The following ARID2 variants were observed in gnomAD, a reference collection of about 807,000 sequenced individuals.
The protein encoded by ARID2 is AT-rich interaction domain 2, also known as AT-rich interactive domain-containing protein 2.
ARID2 carries 32 observed loss-of-function variants against 184.6 expected under a neutral mutation model. The ratio of observed to expected loss-of-function variants is 0.17; its 90% CI spans 0.13 to 0.23. The LOEUF (loss-of-function observed/expected upper bound fraction) is 0.23, where lower values mean the gene tolerates loss of function less well. ARID2 is among the 10% of genes least tolerant of loss of function. The pLI is 1.00. For missense variants in ARID2, 1,696 were observed against 2,197.6 expected (o/e 0.77, Z 4.56); for synonymous variants, 836 against 772.6 (o/e 1.08, Z -1.36).
chr12:45,859,929 G>A (rs957960036), intron 15 of ARID2, among the ~76,000 whole-genome samples: 17 of 152,066 alleles, frequency 1.1e-4, no homozygotes, highest in Non-Finnish European at 1.9e-4. Context: ...ATGGGGTTTC[G>A]CCATGTTGGC....
At chr12:45,747,328 AC>A (rs780279922) in intron 3 of ARID2, among the ~76,000 whole-genome samples, 33 of 152,310 alleles carry the variant, frequency 2.2e-4, no homozygotes, top group Middle Eastern at 3.4e-3. Context: ...GATTTTTGCA[AC>A]AACTCTAGGA....
intron 7 of ARID2, 41 bp from the exon 8 acceptor site, chr12:45,836,700 A>C: frequency 6.3e-7 from 1 of 1,599,762 alleles, no homozygotes. Flanking sequence ...TGAAGTATTA[A>C]TAAATGAAAT....
At chr12:45,792,411 A>T (rs1293710936) in intron 3 of ARID2, among the ~76,000 whole-genome samples, 4 of 152,200 alleles carry the variant, frequency 2.6e-5, no homozygotes, top group African/African-American at 9.6e-5. Context: ...AGTATATATG[A>T]TCCCAATTGT....
chr12:45,900,177 C>T (rs1944440127), intron 20 of ARID2, among the ~76,000 whole-genome samples: 1 of 152,138 alleles, frequency 6.6e-6, no homozygotes, highest in Admixed American at 6.5e-5. Flanking sequence ...TCTCCTGCCT[C>T]AGCCTCCTGA....
At chr12:45,783,286 A>G (rs758645889) in intron 3 of ARID2, among the ~76,000 whole-genome samples, 2 of 152,224 alleles carry the variant, frequency 1.3e-5, no homozygotes, top group Non-Finnish European at 2.9e-5. Context: ...ACTATCAATA[A>G]CTAAATATGA....
chr12:45,813,385 T>A (rs1942746031), intron 4 of ARID2, among the ~76,000 whole-genome samples: 1 of 151,410 alleles, frequency 6.6e-6, no homozygotes, highest in East Asian at 1.9e-4. Context: ...AGCAAATAAG[T>A]CATTAATTTT....
At chr12:45,831,507 A>G (rs887943232) in intron 6 of ARID2, among the ~76,000 whole-genome samples, 2 of 152,080 alleles carry the variant, frequency 1.3e-5, no homozygotes, top group African/African-American at 4.8e-5. Flanking sequence ...CTCAAACATC[A>G]TTTCTTTGTG....
At position 45,893,463 on chromosome 12, in the gene ARID2, A is replaced by G. The variant is rs2136462239; in HGVS notation, c.5191A>G (p.Lys1731Glu). ...GGTSSTPRAQ[K>E]AIVNHPSAAL... is the part of the protein sequence containing the mutation. Reference sequence around the variant, plus strand: ...CACAAGCTCAACTCCTAGAGCACAAAAGGCCATTGTGAATCATCCCAGTGC... The same window carrying G: ...CACAAGCTCAACTCCTAGAGCACAAGAGGCCATTGTGAATCATCCCAGTGC... The change falls in exon 19 of 21, where the codon AAG becomes GAG. Residue 1731 changes from lysine to glutamate, a missense_variant. Coordinates refer to ENST00000334344, the MANE Select transcript of ARID2 (RefSeq NM_152641.4). The G allele has an allele frequency of 6.2e-7, 1 of 1,613,994 alleles. No homozygotes were observed. Among genetic ancestry groups the G allele is most frequent in the Non-Finnish European group, 8.5e-7 (1 of 1,179,938 alleles).
At chr12:45,763,284 C>T (rs1355754081) in intron 3 of ARID2, among the ~76,000 whole-genome samples, 3 of 152,116 alleles carry the variant, frequency 2.0e-5, no homozygotes, top group Non-Finnish European at 4.4e-5. Flanking sequence ...GCCTGGCCAA[C>T]ATAGTGAAAC....
At chr12:45,860,587 C>G (rs879519562) in intron 15 of ARID2, among the ~76,000 whole-genome samples, 2 of 150,966 alleles carry the variant, frequency 1.3e-5, no homozygotes, top group African/African-American at 2.4e-5. Context: ...GTGGTATTAC[C>G]TTCGTGGTTT....
At chr12:45,848,717 A>AT in intron 12 of ARID2, 119 bp from the exon 13 acceptor site, 1 of 813,074 alleles carries the variant, frequency 1.2e-6, no homozygotes, top group Non-Finnish European at 1.8e-6. Flanking sequence ...AGTCAGTGAA[A>AT]TTTGATTAGT....
chr12:45,859,920 T>C (rs955198395), intron 15 of ARID2, among the ~76,000 whole-genome samples: 1 of 152,152 alleles, frequency 6.6e-6, no homozygotes, highest in Non-Finnish European at 1.5e-5. Context: ...TTAGCAGAGA[T>C]GGGGTTTCGC....
At chr12:45,777,599 T>C (rs1413916042) in intron 3 of ARID2, among the ~76,000 whole-genome samples, 1 of 151,946 alleles carries the variant, frequency 6.6e-6, no homozygotes, top group African/African-American at 2.4e-5. Flanking sequence ...ATATGCAGGT[T>C]ATACTACTAA....
chr12:45,826,009 T>A (rs545505068), intron 6 of ARID2, among the ~76,000 whole-genome samples: 2 of 152,188 alleles, frequency 1.3e-5, no homozygotes, highest in African/African-American at 2.4e-5. Context: ...GGCATTTTTC[T>A]TTTATAATGG....
chr12:45,826,591 T>A (rs1943006827), intron 6 of ARID2, among the ~76,000 whole-genome samples: 1 of 151,972 alleles, frequency 6.6e-6, no homozygotes, highest in Admixed American at 6.6e-5. Flanking sequence ...ACTTATTTTT[T>A]ATTTTTTTGT....
At chr12:45,904,295 T>C (rs1944493569) in intron 20 of ARID2, 5 of 711,896 alleles carry the variant, frequency 7.0e-6, no homozygotes, top group Admixed American at 2.0e-5. Flanking sequence ...AGCAACCATT[T>C]TGTTCCTCTC....
intron 15 of ARID2, among the ~76,000 whole-genome samples, 186 bp from the exon 16 acceptor site, chr12:45,860,615 A>G (rs553207420): frequency 3.3e-5 from 5 of 152,060 alleles, no homozygotes; most frequent in African/African-American, 1.2e-4. Context: ...AATAAAATAA[A>G]CTTTCTAAAT....
chr12:45,844,018 T>C (rs1260569071), intron 11 of ARID2, among the ~76,000 whole-genome samples: 1 of 152,188 alleles, frequency 6.6e-6, no homozygotes, highest in Non-Finnish European at 1.5e-5. Context: ...CCACCTTCTA[T>C]ACTTTTTCTT....
Position 45,729,826 on chromosome 12 carries a change from T to C in ARID2, c.-11T>C. ...GATCTGGGTTTTTTAAAAACCTCCT[T>C]TGAAAAAATAATGGCAAACTCGACG... On this transcript the variant is annotated 5_prime_UTR_variant, in exon 1 of 21. Transcript: ENST00000334344. 6.2e-7 allele frequency: 1 copy of C among 1,603,866 alleles called. No homozygotes were observed. Among genetic ancestry groups the C allele is most frequent in the Non-Finnish European group, 8.5e-7 (1 of 1,175,668 alleles).
Sources: allele counts gnomAD v4.1 joint callset (sites outside exome capture counted in the v4.1 genomes callset), GRCh38; gene constraint gnomAD v4.1.1; transcripts MANE v1.5; gene names NCBI Gene and HGNC (gene_info 2026-07-23, HGNC 2026-07-21).